The following ACAP2 variants were observed in gnomAD, a reference collection of about 807,000 sequenced individuals.
ACAP2 encodes the protein arf-GAP with coiled-coil, ANK repeat and PH domain-containing protein 2.
Under a neutral mutation model 115.8 loss-of-function variants are expected in ACAP2, and 39 were observed. The observed-to-expected ratio is 0.34, with a 90% confidence interval of 0.26 to 0.44. The LOEUF is 0.44. Among genes scored for constraint, ACAP2 ranks in the 20% least tolerant of loss-of-function variants. The pLI, the probability that ACAP2 is intolerant of heterozygous loss-of-function variation, is 1.00. For missense variants in ACAP2, 662 were observed against 927.6 expected, an observed-to-expected ratio of 0.71 and a Z score of 3.72; for synonymous variants, 289 against 315.8, an observed-to-expected ratio of 0.92 and a Z score of 0.90.
At chr3:195,396,873 A>G (rs1711838757) in intron 1 of ACAP2, among the ~76,000 whole-genome samples, 1 of 150,364 alleles carries the variant, frequency 6.7e-6, no homozygotes, top group South Asian at 2.1e-4. Flanking sequence ...AAAACTAACA[A>G]CCACCACCAA....
intron 4 of ACAP2, among the ~76,000 whole-genome samples, chr3:195,372,633 G>A (rs1164878800): frequency 6.6e-6 from 1 of 152,002 alleles, no homozygotes; most frequent in Non-Finnish European, 1.5e-5. Flanking sequence ...ACCAGCCTGG[G>A]CAACACAGGA....
chr3:195,397,815 GA>G (rs1560327509), intron 1 of ACAP2, among the ~76,000 whole-genome samples: 1 of 152,072 alleles, frequency 6.6e-6, no homozygotes, highest in Non-Finnish European at 1.5e-5. Flanking sequence ...TAGTGTTAAA[GA>G]AAATGCACAA....
chr3:195,306,202 A>G (rs1728410364), intron 13 of ACAP2, among the ~76,000 whole-genome samples: 1 of 152,090 alleles, frequency 6.6e-6, no homozygotes, highest in Non-Finnish European at 1.5e-5. Flanking sequence ...CATGATCATT[A>G]TTTTATTTTA....
chr3:195,302,810 A>C (rs1319571795), intron 13 of ACAP2, among the ~76,000 whole-genome samples: 2 of 152,168 alleles, frequency 1.3e-5, no homozygotes, highest in Admixed American at 6.5e-5. Context: ...TTTTTGGCCG[A>C]GAGCGGTGTC....
At chr3:195,280,084 T>C (rs1030976105) in intron 22 of ACAP2, among the ~76,000 whole-genome samples, 8 of 143,194 alleles carry the variant, frequency 5.6e-5, no homozygotes, top group Admixed American at 1.4e-4. Flanking sequence ...GGTGGGGGGG[T>C]TGGGGGGAGA....
chr3:195,392,255 AC>A, intron 1 of ACAP2, 108 bp from the exon 2 acceptor site: 1 of 830,236 alleles, frequency 1.2e-6, no homozygotes, highest in East Asian at 2.8e-5. Flanking sequence ...TAAAAATTAC[AC>A]TTCACATGAA....
chr3:195,289,642 T>TAAA (rs75605477), intron 20 of ACAP2, among the ~76,000 whole-genome samples: 1 of 140,806 alleles, frequency 7.1e-6, no homozygotes. Context: ...CTACTAAAAT[T>TAAA]AAAAAAAAAA....
In ACAP2 at chr3:195,345,293, A is replaced by T; in HGVS notation, c.310T>A (p.Ser104Thr). 5 of 1,611,242 alleles carry T rather than the reference A, an allele frequency of 3.1e-6. No individual in the cohort carries two copies. The highest frequency in any genetic ancestry group is 4.2e-6 in the Non-Finnish European group (5 of 1,177,832). The change falls in exon 5 of 23, where the codon TCA (serine) becomes ACA (threonine). Residue 104 changes from serine to threonine, a missense_variant. Physicochemically the swap from Ser to Thr is moderately conservative, Grantham distance 58. This residue lies in a region of ACAP2 where 401 missense variants were observed against 604.4 expected (regional missense o/e 0.66). Transcript: ENST00000326793. Reference protein sequence around the residue: ...HTILFDQTQRSIKAQLQNFVK... With the variant: ...HTILFDQTQRTIKAQLQNFVK... ...AAGTTCTGAAGCTGTGCCTTAATTG[A>T]TCTCTGAGTTTGGTCAAACAGGATC...
chr3:195,417,864 G>A lies in ACAP2; in HGVS notation c.53+24931C>T, dbSNP rs767188971. Among the ~76,000 whole-genome samples, 22 of 151,866 alleles carry A rather than the reference G, an allele frequency of 1.4e-4. No individual in the cohort carries two copies. In the East Asian group the frequency reaches 3.7e-3, roughly 25 times the overall value. ...TTGAGGAGGCTAAGGTGGGAGGATC[G>A]CTTGAGTCTTGGAGTTCAAGGTTGC... On this transcript the variant is annotated intron_variant, in intron 1 of 22. Transcript: ENST00000326793.
chr3:195,342,494 T>A lies in ACAP2; in HGVS notation c.505A>T (p.Ile169Leu). ...ACCTGAAGCACATAATCGAGGGCTATGTGTCGGAAACATTTTCTTGTTGCT... is the reference window on the plus strand; with the variant it reads ...ACCTGAAGCACATAATCGAGGGCTAAGTGTCGGAAACATTTTCTTGTTGCT... Reference protein sequence around the residue: ...LTATRKCFRHIALDYVLQINV... With the variant: ...LTATRKCFRHLALDYVLQINV... Residue 169 changes from isoleucine (I) to leucine (L), a missense_variant, in exon 6 of 23, where the codon ATA (isoleucine) becomes TTA (leucine). Physicochemically the swap from Ile to Leu is conservative, Grantham distance 5. Transcript: ENST00000326793. 1 of 1,608,622 alleles carries A rather than the reference T, an allele frequency of 6.2e-7. No individual in the cohort carries two copies. Among genetic ancestry groups the A allele is most frequent in the Non-Finnish European group, 8.5e-7 (1 of 1,178,746 alleles).
intron 1 of ACAP2, among the ~76,000 whole-genome samples, chr3:195,418,922 T>C (rs1713950763): frequency 1.3e-5 from 2 of 152,248 alleles, no homozygotes; most frequent in African/African-American, 4.8e-5. Context: ...TATATGGGGC[T>C]ATTCAAAAAT....
chr3:195,379,515 T>G (rs948672558), intron 4 of ACAP2, among the ~76,000 whole-genome samples: 35 of 152,076 alleles, frequency 2.3e-4, no homozygotes, highest in African/African-American at 8.5e-4. Context: ...ACAAAGGGAC[T>G]GGGTGTAGTG....
At chr3:195,287,502 G>A (rs889150060) in intron 21 of ACAP2, among the ~76,000 whole-genome samples, 1 of 151,486 alleles carries the variant, frequency 6.6e-6, no homozygotes, top group Non-Finnish European at 1.5e-5. Context: ...ATTTTTTGTA[G>A]AGACAGGGCC....
At chr3:195,361,382 G>A (rs1485637115) in intron 4 of ACAP2, among the ~76,000 whole-genome samples, 1 of 151,510 alleles carries the variant, frequency 6.6e-6, no homozygotes, top group African/African-American at 2.4e-5. Flanking sequence ...GTTGCAGTGA[G>A]CAGAGATTGT....
chr3:195,399,070 T>G (rs1166386507), intron 1 of ACAP2, among the ~76,000 whole-genome samples: 1 of 152,206 alleles, frequency 6.6e-6, no homozygotes, highest in Non-Finnish European at 1.5e-5. Flanking sequence ...CCATTACTTT[T>G]GCACCAATCT....
intron 1 of ACAP2, among the ~76,000 whole-genome samples, chr3:195,413,554 G>A (rs911668051): frequency 5.3e-5 from 8 of 152,070 alleles, no homozygotes; most frequent in Non-Finnish European, 1.0e-4. Flanking sequence ...TTTGAGACCA[G>A]CCTGTCCAAC....
intron 21 of ACAP2, among the ~76,000 whole-genome samples, chr3:195,288,583 C>T (rs933528565): frequency 5.9e-5 from 9 of 152,128 alleles, no homozygotes; most frequent in African/African-American, 1.9e-4. Flanking sequence ...ATCGGCCAGG[C>T]GCGGTGGCTC....
chr3:195,382,651 TA>T (rs1260371193), intron 2 of ACAP2, among the ~76,000 whole-genome samples: 1 of 151,824 alleles, frequency 6.6e-6, no homozygotes, highest in Non-Finnish European at 1.5e-5. Context: ...AGAAAAGTAC[TA>T]AGGGGATGCA....
At chr3:195,352,321 A>T (rs1287029751) in intron 4 of ACAP2, among the ~76,000 whole-genome samples, 2 of 152,248 alleles carry the variant, frequency 1.3e-5, no homozygotes, top group Non-Finnish European at 2.9e-5. Context: ...CACACAATGA[A>T]GAAATCACCT....
Sources: allele counts gnomAD v4.1 joint callset (sites outside exome capture counted in the v4.1 genomes callset), GRCh38; gene constraint gnomAD v4.1.1; regional missense constraint gnomAD v4.1.1; transcripts MANE v1.5; gene names NCBI Gene and HGNC (gene_info 2026-07-23, HGNC 2026-07-21).